Variants in MTRF1 observed in about 807,000 individuals in gnomAD.
MTRF1 encodes peptide chain release factor 1, mitochondrial.
MTRF1 carries 51 observed loss-of-function variants against 62.9 expected under a neutral mutation model. The ratio of observed to expected loss-of-function variants is 0.81; its 90% CI spans 0.65 to 1.02. MTRF1 has a LOEUF of 1.02. MTRF1 is among the 50% of genes least tolerant of loss of function. MTRF1 has a pLI of 0.00. For synonymous variants in MTRF1, 158 were observed against 181.9 expected (o/e 0.87, Z 1.06); for missense variants, 446 against 530.0 (o/e 0.84, Z 1.56).
the MTRF1 span, among the ~76,000 whole-genome samples, chr13:41,276,209 T>C: frequency 0.99 from 150,292 of 151,956 alleles, 74,350 homozygotes; most frequent in Non-Finnish European, 1. Context: ...TTCACTCTGT[T>C]GCTCAGGCTG....
chr13:41,256,143 T>G (rs1254257870), intron 2 of MTRF1, among the ~76,000 whole-genome samples: 2 of 152,122 alleles, frequency 1.3e-5, no homozygotes, highest in Non-Finnish European at 2.9e-5. Flanking sequence ...AAACATGGCT[T>G]CAGGCCTCAA....
chr13:41,250,937 C>T (rs897320285), intron 5 of MTRF1, among the ~76,000 whole-genome samples: 8 of 152,332 alleles, frequency 5.3e-5, no homozygotes, highest in African/African-American at 1.9e-4. Context: ...CTCCCTGTGG[C>T]TCATCTCCTT....
chr13:41,254,516 T>C lies in MTRF1; in HGVS notation c.507+13A>G. ...ACAGCACTATTGAAACTAGTCGACC[T>C]CTGAAAACCTACCTCATTGTACAAC... On this transcript the variant is annotated intron_variant, in intron 3 of 9. Coordinates refer to ENST00000379480, the MANE Select transcript of MTRF1 (RefSeq NM_004294.4). The C allele has an allele frequency of 3.7e-6, 6 of 1,605,398 alleles. No individual in the cohort carries two copies. The highest frequency in any genetic ancestry group is 5.1e-6 in the Non-Finnish European group (6 of 1,172,662).
At chr13:41,282,551 A>G in the MTRF1 span, among the ~76,000 whole-genome samples, 4 of 152,198 alleles carry the variant, frequency 2.6e-5, no homozygotes, top group Non-Finnish European at 5.9e-5. Context: ...AAAGCCCCAG[A>G]TCTGGAAGCC....
chr13:41,311,114 G>A, the MTRF1 span: 2 of 274,296 alleles, frequency 7.3e-6, no homozygotes, highest in Non-Finnish European at 6.9e-6. Context: ...CCCAGGGGGT[G>A]CCGAGATTGC....
upstream of MTRF1, among the ~76,000 whole-genome samples, chr13:41,266,995 T>TAA (rs2040847291): frequency 2.1e-5 from 1 of 48,552 alleles, no homozygotes; most frequent in African/African-American, 8.4e-5. Context: ...AGACTCTGTC[T>TAA]CAAAAAAAAA....
the MTRF1 span, among the ~76,000 whole-genome samples, chr13:41,312,030 C>T: frequency 1.3e-5 from 2 of 152,212 alleles, no homozygotes; most frequent in African/African-American, 2.4e-5. Context: ...GCACAGCACA[C>T]CCGCATACCT....
chr13:41,286,340 A>G, the MTRF1 span, among the ~76,000 whole-genome samples: 1 of 152,188 alleles, frequency 6.6e-6, no homozygotes, highest in Non-Finnish European at 1.5e-5. Context: ...TCTAGCCAGA[A>G]CACTTGATCC....
chr13:41,290,285 G>A, the MTRF1 span, among the ~76,000 whole-genome samples: 3 of 151,400 alleles, frequency 2.0e-5, no homozygotes, highest in East Asian at 5.8e-4. Context: ...ATTTTTAGTA[G>A]AGACGGGGTT....
chr13:41,250,497 A>AT (rs772309997), intron 5 of MTRF1, among the ~76,000 whole-genome samples: 277 of 144,108 alleles, frequency 1.9e-3, no homozygotes, highest in South Asian at 0.015. Context: ...TTTACTCCAA[A>AT]TTTTTTTTTT....
chr13:41,250,406 A>C (rs2038918617), intron 5 of MTRF1, among the ~76,000 whole-genome samples: 1 of 152,102 alleles, frequency 6.6e-6, no homozygotes, highest in Non-Finnish European at 1.5e-5. Flanking sequence ...AGTATCAGAC[A>C]TTATCTCTGA....
rs775170367 is a variant in MTRF1, at chr13:41,228,394, T to G, written c.989-1826A>C. Among the ~76,000 whole-genome samples the G allele has an allele frequency of 3.3e-5, 5 of 151,992 alleles. No individual in the cohort carries two copies. The East Asian group carries it at 7.8e-4, about 24-fold the overall frequency. On this transcript the variant is annotated intron_variant, in intron 7 of 9. Transcript: ENST00000379480. The stretch of plus-strand genomic sequence containing the variant: ...ACCAGCCTGGACAACACAGCAAGAT[T>G]TCGTCTCTACTAAAAATACAAAAAC...
intron 5 of MTRF1, among the ~76,000 whole-genome samples, chr13:41,251,475 C>G (rs2039054353): frequency 2.0e-5 from 3 of 152,134 alleles, no homozygotes; most frequent in Non-Finnish European, 4.4e-5. Context: ...CCCTGACAAG[C>G]TATGGGTAAA....
chr13:41,252,626 A>G lies in MTRF1; in HGVS notation c.697+19T>C. On this transcript the variant is annotated intron_variant, in intron 5 of 9. Transcript: ENST00000379480. ...TAATTTTCAGTATCTCCTACAGGCA[A>G]ATTCCTCAATATGCCTACCATAATC... 1 of 1,571,870 alleles carries G rather than the reference A, an allele frequency of 6.4e-7. No homozygotes were observed. The highest frequency in any genetic ancestry group is 8.7e-7 in the Non-Finnish European group (1 of 1,143,376).
At chr13:41,290,089 CTT>C in the MTRF1 span, among the ~76,000 whole-genome samples, 244 of 78,474 alleles carry the variant, frequency 3.1e-3, no homozygotes, top group African/African-American at 0.012. Flanking sequence ...TGTAATAGTT[CTT>C]TTTTTTTTTT....
At chr13:41,217,493 T>C (rs1440718114) in intron 9 of MTRF1, among the ~76,000 whole-genome samples, 1 of 152,182 alleles carries the variant, frequency 6.6e-6, no homozygotes, top group Non-Finnish European at 1.5e-5. Flanking sequence ...GAGATCTAGA[T>C]GGACTTTTGA....
At chr13:41,271,819 G>A in the MTRF1 span, among the ~76,000 whole-genome samples, 1 of 152,048 alleles carries the variant, frequency 6.6e-6, no homozygotes, top group African/African-American at 2.4e-5. Context: ...CTGTTAACCT[G>A]TGAAAACAAC....
rs140535257 is a variant in MTRF1, at chr13:41,233,921, A to G, written c.957T>C (p.Asp319=). 1,059 of 1,614,104 alleles carry G rather than the reference A, an allele frequency of 6.6e-4. 3 individuals are homozygous for G. The highest frequency in any genetic ancestry group is 8.4e-4 in the Non-Finnish European group (990 of 1,179,950). Residue 319 remains aspartate (D), a synonymous_variant, in exon 7 of 10, where the codon GAT becomes GAC. Coordinates refer to ENST00000379480, the MANE Select transcript of MTRF1 (RefSeq NM_004294.4). The part of the protein sequence containing the change: ...GAGGQHVNKT[D]SAVRLVHIPT... ...GGATGTGGACAAGTCTGACGGCACT[A>G]TCAGTTTTATTAACATGCTGCCCTC...
chr13:41,301,738 A>G, the MTRF1 span, among the ~76,000 whole-genome samples: 1 of 150,978 alleles, frequency 6.6e-6, no homozygotes, highest in Non-Finnish European at 1.5e-5. Flanking sequence ...ACAGAGTGAG[A>G]CTCCGTCTCA....
Sources: allele counts gnomAD v4.1 joint callset (sites outside exome capture counted in the v4.1 genomes callset), GRCh38; gene constraint gnomAD v4.1.1; transcripts MANE v1.5; gene names NCBI Gene and HGNC (gene_info 2026-07-23, HGNC 2026-07-21).